TAOK3: variants seen among roughly 807,000 people sequenced by gnomAD.
The protein encoded by TAOK3 is TAO kinase 3, also known as serine/threonine-protein kinase TAO3.
A neutral mutation model predicts 120.4 loss-of-function variants in TAOK3; 40 were observed. The ratio of observed to expected loss-of-function variants is 0.33; its 90% CI spans 0.26 to 0.43. TAOK3 has a LOEUF of 0.43. Ranked by LOEUF, TAOK3 falls within the 20% of genes least tolerant of loss-of-function variation. The pLI is 1.00. For synonymous variants in TAOK3, 355 were observed against 387.5 expected, an observed-to-expected ratio of 0.92 and a Z score of 0.99; for missense variants, 821 against 1,112.1, an observed-to-expected ratio of 0.74 and a Z score of 3.72.
At chr12:118,311,187 A>G (rs1443779061) in intron 1 of TAOK3, among the ~76,000 whole-genome samples, 5 of 152,162 alleles carry the variant, frequency 3.3e-5, no homozygotes, top group African/African-American at 1.2e-4. Flanking sequence ...GGGGCCGGGC[A>G]TGGTGGCTCA....
intron 11 of TAOK3, among the ~76,000 whole-genome samples, chr12:118,206,579 C>A (rs906534677): frequency 2.6e-5 from 4 of 152,014 alleles, no homozygotes; most frequent in African/African-American, 9.7e-5. Context: ...TGCCTGCAAT[C>A]CCATCTCCTC....
chr12:118,189,807 C>A lies in TAOK3; in HGVS notation c.1329G>T (p.Leu443Phe). Residue 443 changes from leucine (L) to phenylalanine (F), a missense_variant and splice_region_variant, in exon 14 of 21, where the codon TTG (leucine) becomes TTT (phenylalanine). Physicochemically the swap from Leu to Phe is conservative, Grantham distance 22 (BLOSUM62 0). This residue lies in a region of TAOK3 where 354 missense variants were observed against 572.1 expected (regional missense o/e 0.62). Coordinates refer to ENST00000392533, the MANE Select transcript of TAOK3 (RefSeq NM_016281.4). ...GGTGGGTAGAGGGGTGTTTGCTTAC[C>A]AAAGATGCTGATTTGATCGTGGCAA... Reference protein sequence around the residue: ...ERFATIKSASLVTRQIHEHEQ... With the variant: ...ERFATIKSASFVTRQIHEHEQ... The A allele has an allele frequency of 6.2e-7, 1 of 1,614,082 alleles. No homozygotes were observed. The highest frequency in any genetic ancestry group is 8.5e-7 in the Non-Finnish European group (1 of 1,179,996).
At chr12:118,243,862 A>G (rs193051873) in intron 4 of TAOK3, among the ~76,000 whole-genome samples, 1 of 152,216 alleles carries the variant, frequency 6.6e-6, no homozygotes, top group Non-Finnish European at 1.5e-5. Context: ...TATTTTTAGT[A>G]GAGACGAGGT....
chr12:118,367,055 C>T (rs2045759054), intron 1 of TAOK3, among the ~76,000 whole-genome samples: 2 of 152,056 alleles, frequency 1.3e-5, no homozygotes, highest in Non-Finnish European at 2.9e-5. Context: ...AAGGCTGTCT[C>T]GAAAACAACA....
At chr12:118,200,165 T>C (rs754519866) in intron 12 of TAOK3, 14 of 152,216 alleles carry the variant, frequency 9.2e-5, no homozygotes, top group South Asian at 2.1e-4. Flanking sequence ...CATTTCTATA[T>C]ATGCAATCAA....
intron 4 of TAOK3, among the ~76,000 whole-genome samples, chr12:118,244,620 C>T (rs1479044792): frequency 6.6e-6 from 1 of 150,678 alleles, no homozygotes; most frequent in Admixed American, 6.6e-5. Flanking sequence ...GCTCCGCCTC[C>T]CGGGTTCACG....
chr12:118,269,498 G>A (rs567520146), intron 1 of TAOK3, among the ~76,000 whole-genome samples: 1 of 147,692 alleles, frequency 6.8e-6, no homozygotes, highest in African/African-American at 2.5e-5. Context: ...AGCCTTCCAA[G>A]TAGCTGGGAT....
intron 6 of TAOK3, 72 bp downstream of exon 6, chr12:118,239,155 C>T: frequency 3.0e-6 from 3 of 1,013,152 alleles, no homozygotes; most frequent in Admixed American, 1.8e-5. Flanking sequence ...CCAAACTACA[C>T]TTTAGTATGG....
intron 1 of TAOK3, among the ~76,000 whole-genome samples, chr12:118,271,778 CTTATAA>C (rs1016681993): frequency 6.6e-6 from 1 of 152,172 alleles, no homozygotes; most frequent in African/African-American, 2.4e-5. Flanking sequence ...CCATTTCAAT[CTTATAA>C]TTAAAATGAC....
chr12:118,323,837 T>A (rs181803626), intron 1 of TAOK3, among the ~76,000 whole-genome samples: 95 of 152,006 alleles, frequency 6.2e-4, no homozygotes, highest in African/African-American at 2.2e-3. Context: ...TGTAGGGAGG[T>A]CTTCATGAAA....
chr12:118,321,436 T>C (rs1212425923), intron 1 of TAOK3, among the ~76,000 whole-genome samples: 2 of 152,130 alleles, frequency 1.3e-5, no homozygotes, highest in Admixed American at 6.6e-5. Flanking sequence ...AGTTTTCATA[T>C]TTTTTGTAGA....
intron 1 of TAOK3, among the ~76,000 whole-genome samples, chr12:118,307,499 A>G (rs768535512): frequency 6.6e-5 from 10 of 152,176 alleles, no homozygotes; most frequent in Non-Finnish European, 8.8e-5. Flanking sequence ...AACAGGAATG[A>G]AAGAGAACCA....
At chr12:118,269,405 TTGA>T (rs2041606384) in intron 1 of TAOK3, among the ~76,000 whole-genome samples, 1 of 133,098 alleles carries the variant, frequency 7.5e-6, no homozygotes, top group South Asian at 2.5e-4. Flanking sequence ...TTTTTTTTTT[TTGA>T]GACTCAGGCT....
At position 118,212,957 on chromosome 12, in the gene TAOK3, T is replaced by C. The variant is rs775308033; in HGVS notation, c.776A>G (p.Gln259Arg). Reference sequence around the variant, plus strand: ...TGTTGGCCTTTCCTGAGGTATTTTCTGCAAGCAGTAATCAACAAATCTCCT... The same window carrying C: ...TGTTGGCCTTTCCTGAGGTATTTTCCGCAAGCAGTAATCAACAAATCTCCT... ...SFRRFVDYCL[Q>R]KIPQERPTSA... Residue 259 changes from glutamine to arginine, a missense_variant, in exon 11 of 21, where the codon CAG (glutamine) becomes CGG (arginine). Gln to Arg is a conservative substitution (Grantham distance 43). This residue lies in a region of TAOK3 where 467 missense variants were observed against 540.0 expected (regional missense o/e 0.86). Transcript: ENST00000392533. 5 of 1,613,124 alleles carry C rather than the reference T, an allele frequency of 3.1e-6. No individual in the cohort carries two copies. The East Asian group carries it at 8.9e-5, about 29-fold the overall frequency.
At chr12:118,239,099 T>C (rs1593260871) in intron 6 of TAOK3, 128 bp downstream of exon 6, 2 of 676,810 alleles carry the variant, frequency 3.0e-6, no homozygotes, top group East Asian at 5.6e-5. Context: ...TGTGCATGGC[T>C]TATCCACACC....
chr12:118,157,525 C>T lies in TAOK3; in HGVS notation c.2352+2621G>A, dbSNP rs534160217. Among the ~76,000 whole-genome samples the T allele has an allele frequency of 8.5e-5, 13 of 152,328 alleles. No homozygotes were observed. The South Asian group carries it at 1.5e-3, about 17-fold the overall frequency. On this transcript the variant is annotated intron_variant, in intron 19 of 20. Transcript: ENST00000392533. Reference sequence around the variant, plus strand: ...TGCCACTGCCTTCCCAATGTTCACACGTTCCTCATGTGTAGGTTCCTCAGC... The same window carrying T: ...TGCCACTGCCTTCCCAATGTTCACATGTTCCTCATGTGTAGGTTCCTCAGC...
Position 118,255,641 on chromosome 12 carries a change from G to T in TAOK3, c.-74C>A, listed in dbSNP as rs1292393540. On this transcript the variant is annotated 5_prime_UTR_variant, in exon 3 of 21. Transcript: ENST00000392533. ...TCTCATTGACAATTTTTTTTGGGGG[G>T]TAAATCTTCAGTACCTGTAGAAAAA... 11 of 1,477,990 alleles carry T rather than the reference G, an allele frequency of 7.4e-6. No individual in the cohort carries two copies. The highest frequency in any genetic ancestry group is 9.1e-7 in the Non-Finnish European group (1 of 1,096,214). 91.6% of individuals were successfully genotyped at this position (1,477,990 alleles called of 1,614,324 possible). A position where few individuals can be genotyped will look rare whatever the true frequency, so the allele number is the denominator to read the frequency against.
chr12:118,165,708 T>C (rs2035536809), intron 17 of TAOK3, among the ~76,000 whole-genome samples: 1 of 152,184 alleles, frequency 6.6e-6, no homozygotes, highest in African/African-American at 2.4e-5. Flanking sequence ...GCAGTACACA[T>C]TGTGAACTAT....
chr12:118,280,505 A>C (rs773089025), intron 1 of TAOK3, among the ~76,000 whole-genome samples: 1 of 152,142 alleles, frequency 6.6e-6, no homozygotes, highest in African/African-American at 2.4e-5. Context: ...AGATGGTTGT[A>C]GGTGTGCGGC....
Sources: gnomAD v4.1 joint callset for allele counts (sites outside exome capture counted in the v4.1 genomes callset) on GRCh38, gnomAD v4.1.1 for gene constraint, gnomAD v4.1.1 regional missense constraint, MANE v1.5 for transcripts, NCBI Gene and HGNC (gene_info 2026-07-23, HGNC 2026-07-21) for gene names.